DOT1L: variants seen among roughly 807,000 people sequenced by gnomAD.
DOT1L encodes DOT1 like histone lysine methyltransferase.
DOT1L carries 33 observed loss-of-function variants against 153.3 expected under a neutral mutation model. The ratio of observed to expected loss-of-function variants is 0.22; its 90% CI spans 0.16 to 0.29. The LOEUF (loss-of-function observed/expected upper bound fraction) is 0.29, where lower values mean the gene tolerates loss of function less well. Among genes scored for constraint, DOT1L ranks in the 10% least tolerant of loss-of-function variants. The pLI is 1.00. For missense variants in DOT1L, 1,847 were observed against 2,119.9 expected (o/e 0.87, Z 2.53); for synonymous variants, 1,135 against 965.1 (o/e 1.18, Z -3.26).
chr19:2,226,910 C>G lies in DOT1L; in HGVS notation c.4389C>G (p.Ser1463=). 2 of 1,578,388 alleles carry G rather than the reference C, an allele frequency of 1.3e-6. No homozygotes were observed. Among genetic ancestry groups the G allele is most frequent in the Non-Finnish European group, 1.7e-6 (2 of 1,171,096 alleles). ...GAASSAQTHR[S]FLGPFPPGPQ... The stretch of plus-strand genomic sequence containing the variant: ...CGTCCTCCGCCCAGACGCACCGGTC[C>G]TTCCTGGGCCCCTTCCCGCCGGGAC... The change falls in exon 27 of 28, where the codon TCC becomes TCG. Residue 1463 remains serine (S), a synonymous_variant. Coordinates refer to ENST00000398665, the MANE Select transcript of DOT1L (RefSeq NM_032482.3).
intron 1 of DOT1L, 93 bp downstream of exon 1, chr19:2,164,358 GT>G (rs2019826126): frequency 5.8e-6 from 5 of 860,972 alleles, no homozygotes; most frequent in Non-Finnish European, 7.6e-6. Context: ...GCGCTCACCG[GT>G]CCCCCCTGCG....
intron 7 of DOT1L, among the ~76,000 whole-genome samples, chr19:2,195,628 C>G (rs932685237): frequency 2.6e-5 from 4 of 152,056 alleles, no homozygotes; most frequent in Admixed American, 2.6e-4. Flanking sequence ...CCCGCAGCCC[C>G]TTGAGTCCTG....
intron 27 of DOT1L, chr19:2,228,257 G>T (rs747480049): frequency 2.2e-6 from 3 of 1,361,620 alleles, no homozygotes; most frequent in Non-Finnish European, 2.9e-6. Context: ...GGATCCCACA[G>T]GCCAGCGCCA....
intron 1 of DOT1L, among the ~76,000 whole-genome samples, chr19:2,168,956 A>G (rs941221385): frequency 1.3e-5 from 2 of 152,086 alleles, no homozygotes; most frequent in African/African-American, 2.4e-5. Flanking sequence ...CCCTTCTTCT[A>G]GTGGGAAGGG....
At position 2,222,133 on chromosome 19, in the gene DOT1L, CCTG is replaced by C; in HGVS notation, c.2971_2973del (p.Leu991del). The C allele has an allele frequency of 6.2e-7, 1 of 1,613,246 alleles. No individual in the cohort carries two copies. Among genetic ancestry groups the C allele is most frequent in the Non-Finnish European group, 8.5e-7 (1 of 1,179,896 alleles). ...CCCGCAGCTCCACGCCACAGCACCCCCTGCTGCTGGCACAGCCCCGGAACTCGC... is the reference window on the plus strand; with the variant it reads ...CCCGCAGCTCCACGCCACAGCACCCCCTGCTGGCACAGCCCCGGAACTCGC... On this transcript the variant is annotated inframe_deletion, in exon 24 of 28. Coordinates refer to ENST00000398665, the MANE Select transcript of DOT1L (RefSeq NM_032482.3). This position sits in a 1 kb window ranked among gnomAD's most constrained non-coding sequence, Gnocchi z 6.5.
chr19:2,228,796 C>T (rs1269773663), intron 27 of DOT1L: 11 of 985,258 alleles, frequency 1.1e-5, no homozygotes, highest in Non-Finnish European at 7.2e-6. Flanking sequence ...GTTCCCCAGG[C>T]GCCCAGCATG....
intron 22 of DOT1L, among the ~76,000 whole-genome samples, chr19:2,219,699 G>T (rs2024039769): frequency 6.6e-6 from 1 of 152,178 alleles, no homozygotes; most frequent in African/African-American, 2.4e-5. Flanking sequence ...AAGTGCAGTG[G>T]GTGGTGGCCG....
At chr19:2,175,158 C>A (rs1479086764) in intron 1 of DOT1L, among the ~76,000 whole-genome samples, 1 of 151,890 alleles carries the variant, frequency 6.6e-6, no homozygotes, top group East Asian at 1.9e-4. Flanking sequence ...ACCACCACGC[C>A]CGGTTAATTT....
chr19:2,217,993 C>A lies in DOT1L; in HGVS notation c.2691+75C>A. 1 of 1,546,670 alleles carries A rather than the reference C, an allele frequency of 6.5e-7. No individual in the cohort carries two copies. On this transcript the variant is annotated intron_variant, in intron 22 of 27. Coordinates refer to ENST00000398665, the MANE Select transcript of DOT1L (RefSeq NM_032482.3). The surrounding 1 kb of genome is among the most constrained non-coding windows in gnomAD (Gnocchi z 7.3). The stretch of plus-strand genomic sequence containing the variant: ...AGTCTGGGGTGCTCGAGACCTGGCT[C>A]ACTTTGCGAAGTCTCACGCTGTAAA...
Position 2,230,246 on chromosome 19 carries a change from C to G in DOT1L, c.*454C>G. 2.4e-6 allele frequency: 1 copy of G among 415,492 alleles called. No individual in the cohort carries two copies. Among genetic ancestry groups the G allele is most frequent in the Non-Finnish European group, 4.2e-6 (1 of 236,664 alleles). The allele number at this position is 415,492 out of a possible 1,614,324, so 25.7% of individuals were successfully genotyped here. A position where few individuals can be genotyped will look rare whatever the true frequency, so the allele number is the denominator to read the frequency against. On this transcript the variant is annotated 3_prime_UTR_variant, in exon 28 of 28. Coordinates refer to ENST00000398665, the MANE Select transcript of DOT1L (RefSeq NM_032482.3). ...CAACGCCGAACCCCGTTCTCGGAAA[C>G]GCCGCCCGGCCGGCTCCCCCGACGC...
Position 2,217,741 on chromosome 19 carries a change from C to G in DOT1L, c.2545-31C>G, listed in dbSNP as rs781751188. The G allele has an allele frequency of 1.3e-6, 2 of 1,581,370 alleles. No homozygotes were observed. Among genetic ancestry groups the G allele is most frequent in the African/African-American group, 2.7e-5 (2 of 74,030 alleles). ...CTGTGTCCTGGAGGGGTTTGTTGAC[C>G]CACGACTGGGGGTCGGGCCTTCGTC... On this transcript the variant is annotated intron_variant, in intron 21 of 27. Coordinates refer to ENST00000398665, the MANE Select transcript of DOT1L (RefSeq NM_032482.3). This position sits in a 1 kb window ranked among gnomAD's most constrained non-coding sequence, Gnocchi z 7.3.
At chr19:2,227,716 G>C (rs1372979063) in intron 27 of DOT1L, 1 of 1,305,596 alleles carries the variant, frequency 7.7e-7, no homozygotes, top group East Asian at 5.5e-5. Context: ...TTGAAGCTGC[G>C]TTTTTCTCTC....
intron 1 of DOT1L, among the ~76,000 whole-genome samples, chr19:2,174,617 A>G (rs981706656): frequency 6.6e-6 from 1 of 152,014 alleles, no homozygotes; most frequent in African/African-American, 2.4e-5. Context: ...GCTAAGATAA[A>G]TTTTGTTTTT....
Position 2,191,721 on chromosome 19 carries a change from C to A in DOT1L, c.493+481C>A, listed in dbSNP as rs1001369001. On this transcript the variant is annotated intron_variant, in intron 5 of 27. Transcript: ENST00000398665. This position sits in a 1 kb window ranked among gnomAD's most constrained non-coding sequence, Gnocchi z 6.8. ...CCCTGGGCTCCCGGAGGCCCTCGCG[C>A]CCTCCCTGCATCCCCAGTCTCCCTC... 1.4e-4 allele frequency among the ~76,000 whole-genome samples: 22 copies of A among 151,984 alleles called. No individual in the cohort carries two copies. Among genetic ancestry groups the A allele is most frequent in the Admixed American group, 6.5e-5 (1 of 15,274 alleles).
At chr19:2,179,269 G>A (rs1041117990) in intron 1 of DOT1L, among the ~76,000 whole-genome samples, 7 of 152,202 alleles carry the variant, frequency 4.6e-5, no homozygotes, top group Admixed American at 2.0e-4. Context: ...CTGTGATGAC[G>A]CTGGCCTTGT....
chr19:2,176,404 G>A (rs11880992), intron 1 of DOT1L, among the ~76,000 whole-genome samples: 55,208 of 151,990 alleles, frequency 0.36, 10,387 homozygotes, highest in Middle Eastern at 0.43. Flanking sequence ...CACGGCTCGC[G>A]GGAGTTGCAG....
At chr19:2,227,776 C>T (rs747817412) in intron 27 of DOT1L, 25 of 1,319,164 alleles carry the variant, frequency 1.9e-5, no homozygotes, top group Non-Finnish European at 2.4e-5. Context: ...TCTGCTCATC[C>T]GTTTGGAGCC....
At chr19:2,180,684 T>C in intron 1 of DOT1L, 29 bp from the exon 2 acceptor site, 1 of 1,613,676 alleles carries the variant, frequency 6.2e-7, no homozygotes, top group South Asian at 1.1e-5. Context: ...AGGATGGCTC[T>C]GCGTCTCAAA....
chr19:2,213,816 C>T, intron 17 of DOT1L, 33 bp from the exon 18 acceptor site: 3 of 1,611,646 alleles, frequency 1.9e-6, no homozygotes, highest in Middle Eastern at 1.7e-4. Context: ...TGGAGGCCAC[C>T]AGCATGACCT....
Sources: gnomAD v4.1 joint callset for allele counts (sites outside exome capture counted in the v4.1 genomes callset) on GRCh38, gnomAD v4.1.1 for gene constraint, Gnocchi (gnomAD v3.1) non-coding constraint, MANE v1.5 for transcripts, NCBI Gene and HGNC (gene_info 2026-07-23, HGNC 2026-07-21) for gene names.